The following XKR9 variants were observed in gnomAD, a reference collection of about 807,000 sequenced individuals.
XKR9 encodes the protein XK related 9.
XKR9 carries 32 observed loss-of-function variants against 32.0 expected under a neutral mutation model. The ratio of observed to expected loss-of-function variants is 1.00; its 90% CI spans 0.76 to 1.34. XKR9 has a LOEUF of 1.34. Among genes scored for constraint, XKR9 ranks in the 40% most tolerant of loss-of-function variants. The pLI is 0.00. For missense variants in XKR9, 546 were observed against 429.7 expected (o/e 1.27, Z -2.39); for synonymous variants, 168 against 143.4 (o/e 1.17, Z -1.22).
chr8:70,685,247 A>G lies in XKR9; in HGVS notation c.272+3917A>G, dbSNP rs1819224295. 4.0e-5 allele frequency among the ~76,000 whole-genome samples: 6 copies of G among 150,354 alleles called. No individual in the cohort carries two copies. The South Asian group carries it at 1.3e-3, about 32-fold the overall frequency. ...ATTCTCAGTAAACTATCACAAGAAC[A>G]AAAAACCAAACACCGCATATTCTCA... On this transcript the variant is annotated intron_variant, in intron 3 of 4. Coordinates refer to ENST00000408926, the MANE Select transcript of XKR9 (RefSeq NM_001011720.2).
the XKR9 span, among the ~76,000 whole-genome samples, chr8:70,851,060 A>C: frequency 6.6e-6 from 1 of 152,220 alleles, no homozygotes; most frequent in Non-Finnish European, 1.5e-5. Context: ...AAACTTGTTA[A>C]GCTGATAAGC....
chr8:71,009,524 A>T, the XKR9 span, among the ~76,000 whole-genome samples: 1 of 152,158 alleles, frequency 6.6e-6, no homozygotes, highest in Admixed American at 6.5e-5. Flanking sequence ...TTAGATGATG[A>T]TGGGGCGATT....
chr8:70,740,500 G>A (rs1449255400), downstream of XKR9, among the ~76,000 whole-genome samples: 34 of 152,174 alleles, frequency 2.2e-4, no homozygotes, highest in African/African-American at 7.0e-4. Flanking sequence ...GCTTTGTTCT[G>A]TTGCTGGTGA....
At chr8:71,052,941 C>G in the XKR9 span, among the ~76,000 whole-genome samples, 2,718 of 152,272 alleles carry the variant, frequency 0.018, 72 homozygotes, top group African/African-American at 0.063. Flanking sequence ...ACACAGCCAG[C>G]CTTGACTGTG....
At chr8:70,776,092 G>C (rs1807516361) in intron 2 of XKR9, among the ~76,000 whole-genome samples, 1 of 152,014 alleles carries the variant, frequency 6.6e-6, no homozygotes, top group South Asian at 2.1e-4. Flanking sequence ...TTGGTATTGG[G>C]AAAGCCCTGT....
chr8:70,940,578 A>G, the XKR9 span, among the ~76,000 whole-genome samples: 4 of 152,122 alleles, frequency 2.6e-5, no homozygotes, highest in Non-Finnish European at 5.9e-5. Flanking sequence ...AAAGAAGATA[A>G]TAAATGCTGG....
At chr8:70,714,467 G>T (rs1806024134) in intron 4 of XKR9, among the ~76,000 whole-genome samples, 1 of 151,600 alleles carries the variant, frequency 6.6e-6, no homozygotes, top group Admixed American at 6.6e-5. Context: ...CTCTAGATTT[G>T]ATGATTTTAT....
chr8:70,828,394 T>C, the XKR9 span, among the ~76,000 whole-genome samples: 2 of 151,946 alleles, frequency 1.3e-5, no homozygotes, highest in Non-Finnish European at 2.9e-5. Context: ...AAGGTTTAGG[T>C]GGGGGTAGTG....
At chr8:70,974,089 C>A in the XKR9 span, among the ~76,000 whole-genome samples, 1 of 151,354 alleles carries the variant, frequency 6.6e-6, no homozygotes, top group Non-Finnish European at 1.5e-5. Flanking sequence ...ATTGTGTTGC[C>A]ATCTATCTCA....
chr8:70,979,127 G>T, the XKR9 span, among the ~76,000 whole-genome samples: 1 of 152,098 alleles, frequency 6.6e-6, no homozygotes, highest in Admixed American at 6.6e-5. Flanking sequence ...GTTCTAATTA[G>T]CCATTCATCT....
In XKR9 at chr8:70,691,591, A is replaced by G. The variant is rs1805072185; in HGVS notation, c.272+10261A>G. Among the ~76,000 whole-genome samples the G allele has an allele frequency of 2.6e-5, 4 of 152,240 alleles. No homozygotes were observed. In the South Asian group the frequency reaches 6.2e-4, roughly 24 times the overall value. On this transcript the variant is annotated intron_variant, in intron 3 of 4. Transcript: ENST00000408926. ...ATCTGTATTCAGTTGATTTTTGTAT[A>G]TGGTGTAAGGAAGAGGTCCAACTTC...
chr8:70,974,990 T>C, the XKR9 span, among the ~76,000 whole-genome samples: 1 of 152,220 alleles, frequency 6.6e-6, no homozygotes, highest in East Asian at 1.9e-4. Flanking sequence ...TGATGACCAG[T>C]GATGATAAGC....
At chr8:70,717,288 G>T (rs556855992) in intron 4 of XKR9, among the ~76,000 whole-genome samples, 2 of 152,198 alleles carry the variant, frequency 1.3e-5, no homozygotes, top group African/African-American at 4.8e-5. Flanking sequence ...GGGACTCTGT[G>T]TGTGAGCTCC....
intron 4 of XKR9, among the ~76,000 whole-genome samples, chr8:70,713,844 GA>G (rs998075819): frequency 1.3e-5 from 2 of 151,974 alleles, no homozygotes; most frequent in African/African-American, 4.8e-5. Context: ...ACAATATTAT[GA>G]AAAAAATTAG....
the XKR9 span, among the ~76,000 whole-genome samples, chr8:70,806,224 G>C: frequency 1.3e-5 from 2 of 152,056 alleles, no homozygotes; most frequent in Non-Finnish European, 2.9e-5. Context: ...CAATAGCATC[G>C]ACAACAACAA....
the XKR9 span, among the ~76,000 whole-genome samples, chr8:70,993,628 T>A: frequency 6.8e-6 from 1 of 146,556 alleles, no homozygotes; most frequent in Non-Finnish European, 1.5e-5. Flanking sequence ...CTTCCTTCCT[T>A]CCTTCCTTCC....
intron 4 of XKR9, among the ~76,000 whole-genome samples, chr8:70,714,392 A>C (rs963806825): frequency 2.6e-5 from 4 of 152,020 alleles, no homozygotes; most frequent in Non-Finnish European, 5.9e-5. Flanking sequence ...AGAAAGAAAA[A>C]TAATATATTT....
chr8:71,061,972 C>A, the XKR9 span, among the ~76,000 whole-genome samples: 2 of 152,236 alleles, frequency 1.3e-5, no homozygotes, highest in South Asian at 4.1e-4. Context: ...AAGCATTATC[C>A]ATTTCCCAGG....
At chr8:70,912,696 G>A in the XKR9 span, among the ~76,000 whole-genome samples, 2 of 152,090 alleles carry the variant, frequency 1.3e-5, no homozygotes, top group African/African-American at 2.4e-5. Context: ...TTATATTGAC[G>A]ATAGTTGAAA....
Sources: gnomAD v4.1 joint callset for allele counts (sites outside exome capture counted in the v4.1 genomes callset) on GRCh38, gnomAD v4.1.1 for gene constraint, MANE v1.5 for transcripts, NCBI Gene and HGNC (gene_info 2026-07-23, HGNC 2026-07-21) for gene names.